The following TMEM17 variants were observed in gnomAD, a reference collection of about 807,000 sequenced individuals.
TMEM17 encodes the protein transmembrane protein 17.
A neutral mutation model predicts 19.1 loss-of-function variants in TMEM17; 15 were observed. The ratio of observed to expected loss-of-function variants is 0.78; its 90% CI spans 0.52 to 1.21. TMEM17 has a LOEUF of 1.21. Among genes scored for constraint, TMEM17 ranks in the 50% most tolerant of loss-of-function variants. The pLI is 0.00. For missense variants in TMEM17, 245 were observed against 242.3 expected (o/e 1.01, Z -0.07); for synonymous variants, 103 against 86.9 (o/e 1.19, Z -1.03).
At chr2:62,462,143 T>G in the TMEM17 span, among the ~76,000 whole-genome samples, 3 of 152,200 alleles carry the variant, frequency 2.0e-5, no homozygotes, top group African/African-American at 7.2e-5. Context: ...GCTGTCACCC[T>G]TAGCCCTGGT....
chr2:62,467,535 T>C, the TMEM17 span, among the ~76,000 whole-genome samples: 1 of 152,222 alleles, frequency 6.6e-6, no homozygotes, highest in Non-Finnish European at 1.5e-5. Context: ...TAGAGTGGGC[T>C]CTGCCTCAGG....
the TMEM17 span, among the ~76,000 whole-genome samples, chr2:62,494,058 A>AT: frequency 3.3e-5 from 5 of 152,202 alleles, no homozygotes; most frequent in Admixed American, 6.5e-5. Flanking sequence ...TTACAGTCTT[A>AT]TCATAAGGAA....
rs1679913614 is a variant in TMEM17 at position 62,501,063 on chromosome 2, A to G, written c.*146T>C. ...TGTTTCATATACTGTACAAAGTTTC[A>G]TCATTGCCCCCAACCTTGGAATTTC... On this transcript the variant is annotated 3_prime_UTR_variant, in exon 4 of 4. Coordinates refer to ENST00000335390, the MANE Select transcript of TMEM17 (RefSeq NM_198276.3). The G allele has an allele frequency of 2.2e-6, 2 of 899,804 alleles. No individual in the cohort carries two copies. The highest frequency in any genetic ancestry group is 3.3e-6 in the Non-Finnish European group (2 of 601,790). 55.7% of individuals were successfully genotyped at this position (899,804 alleles called of 1,614,324 possible).
At chr2:62,458,707 G>A in the TMEM17 span, among the ~76,000 whole-genome samples, 4 of 152,154 alleles carry the variant, frequency 2.6e-5, no homozygotes, top group Non-Finnish European at 5.9e-5. Context: ...GGATAAGTTG[G>A]GCCTTCTGGT....
chr2:62,503,129 A>G (rs1299286399), intron 1 of TMEM17, among the ~76,000 whole-genome samples: 1 of 152,248 alleles, frequency 6.6e-6, no homozygotes, highest in Non-Finnish European at 1.5e-5. Context: ...CCTCTTTTGT[A>G]GAATTCTATG....
chr2:62,490,803 G>A, the TMEM17 span, among the ~76,000 whole-genome samples: 19,623 of 152,014 alleles, frequency 0.13, 1,524 homozygotes, highest in Non-Finnish European at 0.18. Flanking sequence ...TTCAAATGGC[G>A]TGGTGGCTCA....
At chr2:62,462,122 C>T in the TMEM17 span, among the ~76,000 whole-genome samples, 2 of 152,178 alleles carry the variant, frequency 1.3e-5, no homozygotes, top group African/African-American at 4.8e-5. Context: ...AGTACCCCTC[C>T]GGTAGGCCTA....
At chr2:62,502,395 T>G in intron 3 of TMEM17, 42 bp downstream of exon 3, 1 of 1,367,222 alleles carries the variant, frequency 7.3e-7, no homozygotes, top group Non-Finnish European at 1.0e-6. Context: ...AAAACTGATT[T>G]CATTTATATC....
the TMEM17 span, among the ~76,000 whole-genome samples, chr2:62,478,631 C>A: frequency 6.6e-6 from 1 of 152,214 alleles, no homozygotes; most frequent in Non-Finnish European, 1.5e-5. Flanking sequence ...TTGCCACTGA[C>A]CTTGGGTAAG....
intron 1 of TMEM17, among the ~76,000 whole-genome samples, chr2:62,504,997 A>G (rs1216299025): frequency 6.6e-6 from 1 of 152,184 alleles, no homozygotes; most frequent in Non-Finnish European, 1.5e-5. Context: ...ATTAAGCCTC[A>G]TCCTTGGAAC....
the TMEM17 span, among the ~76,000 whole-genome samples, chr2:62,470,541 C>T: frequency 6.6e-6 from 1 of 152,244 alleles, no homozygotes; most frequent in Non-Finnish European, 1.5e-5. Context: ...AGTGCAGCTG[C>T]CTTCAGCTGG....
chr2:62,455,714 C>T, the TMEM17 span, among the ~76,000 whole-genome samples: 1 of 152,232 alleles, frequency 6.6e-6, no homozygotes, highest in Non-Finnish European at 1.5e-5. Flanking sequence ...TTGCAGTGAG[C>T]CGAAATTGCA....
chr2:62,502,259 G>A, intron 3 of TMEM17, 178 bp downstream of exon 3: 1 of 443,698 alleles, frequency 2.3e-6, no homozygotes, highest in South Asian at 4.3e-5. Context: ...TTTTATATAT[G>A]AGGAAACCAG....
chr2:62,474,903 A>C, the TMEM17 span, among the ~76,000 whole-genome samples: 1 of 152,174 alleles, frequency 6.6e-6, no homozygotes, highest in Non-Finnish European at 1.5e-5. Flanking sequence ...TTCAGATAAT[A>C]ATAATGATTG....
chr2:62,494,932 G>T, the TMEM17 span, among the ~76,000 whole-genome samples: 1 of 152,142 alleles, frequency 6.6e-6, no homozygotes, highest in African/African-American at 2.4e-5. Context: ...AGAGAATGGT[G>T]TGAACCTAGG....
chr2:62,482,248 A>G, the TMEM17 span, among the ~76,000 whole-genome samples: 1 of 152,274 alleles, frequency 6.6e-6, no homozygotes, highest in Admixed American at 6.5e-5. Context: ...CCAAGCTGAC[A>G]TATTACAAAG....
Position 62,501,417 on chromosome 2 carries a change from A to T in TMEM17, c.389T>A (p.Phe130Tyr). The T allele has an allele frequency of 6.2e-7, 1 of 1,614,246 alleles. No homozygotes were observed. The highest frequency in any genetic ancestry group is 8.5e-7 in the Non-Finnish European group (1 of 1,180,046). Reference sequence around the variant, plus strand: ...GGGCAGATTTGTTAGGCCTTCATTAAAGAGCAAGAAAAGAATTAAAGGTAA... The same window carrying T: ...GGGCAGATTTGTTAGGCCTTCATTATAGAGCAAGAAAAGAATTAAAGGTAA... ...LQLPLILFLL[F>Y]NEGLTNLPLE... The change falls in exon 4 of 4, where the codon TTT becomes TAT. Residue 130 changes from phenylalanine (F) to tyrosine (Y), a missense_variant. Coordinates refer to ENST00000335390, the MANE Select transcript of TMEM17 (RefSeq NM_198276.3).
At chr2:62,503,478 C>T (rs1390448958) in intron 1 of TMEM17, among the ~76,000 whole-genome samples, 4 of 152,200 alleles carry the variant, frequency 2.6e-5, no homozygotes, top group Admixed American at 2.6e-4. Context: ...CAAGCAAATC[C>T]GAGCTCCCCA....
intron 1 of TMEM17, among the ~76,000 whole-genome samples, chr2:62,504,126 T>C (rs1041074906): frequency 1.3e-5 from 2 of 152,226 alleles, no homozygotes; most frequent in African/African-American, 2.4e-5. Context: ...GTCACTTAAT[T>C]ATTTTAAAAT....
Sources: gnomAD v4.1 joint callset for allele counts (sites outside exome capture counted in the v4.1 genomes callset) on GRCh38, gnomAD v4.1.1 for gene constraint, MANE v1.5 for transcripts, NCBI Gene and HGNC (gene_info 2026-07-23, HGNC 2026-07-21) for gene names.